FBXO21: variants seen among roughly 807,000 people sequenced by gnomAD.
FBXO21 encodes the protein F-box only protein 21.
A neutral mutation model predicts 76.6 loss-of-function variants in FBXO21; 32 were observed. The observed-to-expected ratio is 0.42, with a 90% CI of 0.32 to 0.56. FBXO21 has a LOEUF of 0.56. FBXO21 is among the 20% of genes least tolerant of loss of function. The pLI is 0.16. For missense variants in FBXO21, 586 were observed against 797.3 expected, an observed-to-expected ratio of 0.73 and a Z score of 3.19; for synonymous variants, 328 against 311.5, an observed-to-expected ratio of 1.05 and a Z score of -0.56.
intron 11 of FBXO21, among the ~76,000 whole-genome samples, chr12:117,149,073 A>G (rs139147252): frequency 3.4e-3 from 519 of 152,300 alleles, no homozygotes; most frequent in African/African-American, 9.6e-3. Context: ...GGAACCAACT[A>G]GCAAAGCATA....
At chr12:117,189,434 T>C in intron 1 of FBXO21, 72 bp from the exon 2 acceptor site, 3 of 1,576,936 alleles carry the variant, frequency 1.9e-6, no homozygotes, top group Non-Finnish European at 2.6e-6. Context: ...CAAGGCAGCC[T>C]TGGAAACAGG....
At chr12:117,146,844 C>G (rs1340181793) in intron 11 of FBXO21, among the ~76,000 whole-genome samples, 2 of 152,218 alleles carry the variant, frequency 1.3e-5, no homozygotes, top group Admixed American at 1.3e-4. Context: ...AGGAAGGTGG[C>G]TTGCACCTCC....
chr12:117,149,034 C>T lies in FBXO21; in HGVS notation c.1676-2757G>A, dbSNP rs566732247. 3.9e-5 allele frequency among the ~76,000 whole-genome samples: 6 copies of T among 152,254 alleles called. No individual in the cohort carries two copies. In the South Asian group the frequency reaches 6.2e-4, roughly 16 times the overall value. On this transcript the variant is annotated intron_variant, in intron 11 of 11. Transcript: ENST00000622495. ...CCCTTTCCTGTCCACCCACTGCTGCCACCTCCCTCTTCACATCCAGTAACA... is the reference window on the plus strand; with the variant it reads ...CCCTTTCCTGTCCACCCACTGCTGCTACCTCCCTCTTCACATCCAGTAACA...
chr12:117,180,804 T>TA (rs1956220995), intron 3 of FBXO21, among the ~76,000 whole-genome samples: 2 of 151,810 alleles, frequency 1.3e-5, no homozygotes, highest in South Asian at 4.2e-4. Flanking sequence ...TTTTTTTTTT[T>TA]ATGTATTTTT....
At chr12:117,151,245 G>A (rs1271518436) in intron 11 of FBXO21, among the ~76,000 whole-genome samples, 3 of 152,074 alleles carry the variant, frequency 2.0e-5, no homozygotes, top group East Asian at 3.9e-4. Context: ...GGACAGGAGC[G>A]GCACTCTCCC....
intron 7 of FBXO21, among the ~76,000 whole-genome samples, chr12:117,171,977 G>A (rs1289253948): frequency 6.6e-6 from 1 of 152,114 alleles, no homozygotes; most frequent in Admixed American, 6.5e-5. Context: ...AGGGGAACGT[G>A]GCCACCCTAT....
chr12:117,177,374 T>TATA, intron 4 of FBXO21, 146 bp downstream of exon 4: 1 of 665,980 alleles, frequency 1.5e-6, no homozygotes, highest in East Asian at 2.7e-5. Context: ...GATCAGGCCC[T>TATA]ATAATCCAAC....
At chr12:117,181,703 G>A (rs905904289) in intron 3 of FBXO21, among the ~76,000 whole-genome samples, 3 of 152,062 alleles carry the variant, frequency 2.0e-5, no homozygotes, top group African/African-American at 2.4e-5. Context: ...AGGCTGGAGT[G>A]CAGCGGCATA....
rs537493840 is a variant in FBXO21, at chr12:117,168,417, G to A, written c.1014-1340C>T. ...TGCATGCCTGAAATCCCAGCTACTC[G>A]GGAGGCTGAGGCAGGAGAATCACTT... On this transcript the variant is annotated intron_variant, in intron 7 of 11. Coordinates refer to ENST00000622495, the MANE Select transcript of FBXO21 (RefSeq NM_015002.3). 2.2e-4 allele frequency among the ~76,000 whole-genome samples: 34 copies of A among 152,150 alleles called. No individual in the cohort carries two copies. In the South Asian group the frequency reaches 3.3e-3, roughly 15 times the overall value.
chr12:117,190,023 T>TGGGGACCCGGGGGTCCGCCTGGC (rs1306583669), intron 1 of FBXO21, among the ~76,000 whole-genome samples, 195 bp downstream of exon 1: 53 of 152,064 alleles, frequency 3.5e-4, no homozygotes, highest in African/African-American at 1.3e-3. Flanking sequence ...ATGCGCCATT[T>TGGGGACCCGGGGGTCCGCCTGGC]GGGGACCCGG....
intron 11 of FBXO21, among the ~76,000 whole-genome samples, chr12:117,150,235 A>C (rs1448843283): frequency 1.3e-5 from 2 of 152,238 alleles, no homozygotes; most frequent in Non-Finnish European, 2.9e-5. Flanking sequence ...GGCACCACTT[A>C]AAAGTTCTGA....
chr12:117,157,287 A>C (rs928058488), intron 10 of FBXO21, among the ~76,000 whole-genome samples: 5 of 152,242 alleles, frequency 3.3e-5, no homozygotes, highest in African/African-American at 1.2e-4. Flanking sequence ...TATGAAAAGA[A>C]CCTTAACGTG....
rs549502230 is a variant in FBXO21 at position 117,156,921 on chromosome 12, C to T, written c.1517+952G>A. On this transcript the variant is annotated intron_variant, in intron 10 of 11. Transcript: ENST00000622495. ...GAAATGGGCTGGGTGTGGTGGCTCACGCCTGTAATCCTAGTACTTTGGGAG... is the reference window on the plus strand; with the variant it reads ...GAAATGGGCTGGGTGTGGTGGCTCATGCCTGTAATCCTAGTACTTTGGGAG... Among the ~76,000 whole-genome samples, 5 of 152,204 alleles carry T rather than the reference C, an allele frequency of 3.3e-5. No homozygotes were observed. The East Asian group carries it at 7.7e-4, about 24-fold the overall frequency.
Position 117,190,370 on chromosome 12 carries a change from G to T in FBXO21, c.87C>A (p.Cys29Ter). 1 of 1,522,536 alleles carries T rather than the reference G, an allele frequency of 6.6e-7. No individual in the cohort carries two copies. The highest frequency in any genetic ancestry group is 1.2e-5 in the South Asian group (1 of 82,016). The allele number at this position is 1,522,536 out of a possible 1,614,324, so 94.3% of individuals were successfully genotyped here. The change falls in exon 1 of 12, where the codon TGC becomes TGA. Residue 29 changes from cysteine (C) to a stop codon, truncating the protein, a stop_gained. Transcript: ENST00000622495. LOFTEE classifies it high-confidence loss of function. Reference sequence around the variant, plus strand: ...GCACCTCACCCGGCAGGTTGACGAGGCAGCTGAGGCCCGCTACCTCCGGCG... The same window carrying T: ...GCACCTCACCCGGCAGGTTGACGAGTCAGCTGAGGCCCGCTACCTCCGGCG... ...EAAPEVAGLS[C>*]LVNLPGEVLE...
chr12:117,173,545 CT>C (rs1956139511), intron 6 of FBXO21, among the ~76,000 whole-genome samples: 1 of 152,228 alleles, frequency 6.6e-6, no homozygotes, highest in African/African-American at 2.4e-5. Context: ...CAGATGCAAA[CT>C]TGACACAGCT....
chr12:117,177,705 A>G, intron 3 of FBXO21, 64 bp from the exon 4 acceptor site: 2 of 1,361,956 alleles, frequency 1.5e-6, no homozygotes, highest in South Asian at 2.5e-5. Context: ...TTTTCACATT[A>G]CACTAACATA....
intron 11 of FBXO21, among the ~76,000 whole-genome samples, chr12:117,153,308 G>A (rs1955866700): frequency 6.6e-6 from 1 of 152,114 alleles, no homozygotes; most frequent in Admixed American, 6.5e-5. Context: ...GCCCCCACGT[G>A]GTGTCACTAG....
chr12:117,178,913 T>G (rs971278801), intron 3 of FBXO21, among the ~76,000 whole-genome samples: 1 of 152,200 alleles, frequency 6.6e-6, no homozygotes, highest in African/African-American at 2.4e-5. Context: ...GGGATTTTTT[T>G]TGTGTTGTTC....
At chr12:117,155,526 T>C (rs1175429474) in intron 11 of FBXO21, 4 of 546,266 alleles carry the variant, frequency 7.3e-6, no homozygotes, top group East Asian at 6.4e-5. Flanking sequence ...TTGATTGGCA[T>C]AGACAGTGGC....
Sources: allele counts gnomAD v4.1 joint callset (sites outside exome capture counted in the v4.1 genomes callset), GRCh38; gene constraint gnomAD v4.1.1; transcripts MANE v1.5; gene names NCBI Gene and HGNC (gene_info 2026-07-23, HGNC 2026-07-21).